Variants in LIPA observed in about 807,000 individuals in gnomAD.
LIPA encodes the protein lysosomal acid lipase/cholesteryl ester hydrolase.
Under a neutral mutation model 40.6 loss-of-function variants are expected in LIPA, and 26 were observed. The observed-to-expected ratio is 0.64, with a 90% CI of 0.47 to 0.89. The LOEUF is 0.89. Among genes scored for constraint, LIPA ranks in the 40% least tolerant of loss-of-function variants. The probability of loss-of-function intolerance (pLI) is 0.00; values close to 1 mark genes in which losing one functional copy is unlikely to be tolerated. For synonymous variants in LIPA, 188 were observed against 168.4 expected, an observed-to-expected ratio of 1.12 and a Z score of -0.90; for missense variants, 455 against 479.6, an observed-to-expected ratio of 0.95 and a Z score of 0.48.
intron 2 of LIPA, chr10:89,405,189 G>A (rs993266484): frequency 6.6e-6 from 1 of 151,780 alleles, no homozygotes; most frequent in Non-Finnish European, 1.5e-5. Context: ...AATGTGAAAG[G>A]GTTCCAAGGA....
intron 1 of LIPA, among the ~76,000 whole-genome samples, chr10:89,257,575 G>A (rs557404280): frequency 6.6e-6 from 1 of 152,308 alleles, no homozygotes; most frequent in African/African-American, 2.4e-5. Context: ...ACAACAAATA[G>A]TGCAAAAGAA....
intron 2 of LIPA, among the ~76,000 whole-genome samples, chr10:89,348,069 C>A (rs1843934331): frequency 6.6e-6 from 1 of 152,230 alleles, no homozygotes; most frequent in East Asian, 1.9e-4. Flanking sequence ...GTGAGGAAGA[C>A]ATCTGAGGTT....
chr10:89,389,759 A>G (rs1303318789), intron 2 of LIPA, among the ~76,000 whole-genome samples: 1 of 152,152 alleles, frequency 6.6e-6, no homozygotes, highest in Non-Finnish European at 1.5e-5. Flanking sequence ...AGAAGAGACT[A>G]AGGAATTCAT....
intron 2 of LIPA, among the ~76,000 whole-genome samples, chr10:89,380,685 G>A (rs1844156147): frequency 6.6e-6 from 1 of 152,018 alleles, no homozygotes; most frequent in Admixed American, 6.6e-5. Context: ...CACCTGCCTT[G>A]GACTCTCAAA....
chr10:89,401,220 G>A (rs560082527), intron 2 of LIPA, among the ~76,000 whole-genome samples: 3 of 151,640 alleles, frequency 2.0e-5, no homozygotes, highest in East Asian at 3.9e-4. Context: ...AGACTCAAGC[G>A]ATTCTCCTGC....
At chr10:89,257,712 T>G (rs1843188083) in intron 1 of LIPA, among the ~76,000 whole-genome samples, 1 of 152,106 alleles carries the variant, frequency 6.6e-6, no homozygotes, top group South Asian at 2.1e-4. Flanking sequence ...GCAGTTTATC[T>G]AAATAGAGGA....
chr10:89,327,415 G>A (rs1458239273), intron 1 of LIPA, among the ~76,000 whole-genome samples: 1 of 152,092 alleles, frequency 6.6e-6, no homozygotes, highest in Non-Finnish European at 1.5e-5. Context: ...GCCGGGCATG[G>A]TGGTGGGTGC....
rs1046053754 is a variant in LIPA at position 89,386,440 on chromosome 10, C to T, written c.61+26351G>A. Among the ~76,000 whole-genome samples, 41 of 152,126 alleles carry T rather than the reference C, an allele frequency of 2.7e-4. 1 individual carries two copies. Among genetic ancestry groups the T allele is most frequent in the African/African-American group, 9.7e-4 (40 of 41,412 alleles). On this transcript the variant is annotated intron_variant, in intron 2 of 8. Transcript: ENST00000371837. Reference sequence around the variant, plus strand: ...CAAAGAACGTACTTATTCAATTTAACCAGAGGAAACTACTATTGACTTTTC... The same window carrying T: ...CAAAGAACGTACTTATTCAATTTAATCAGAGGAAACTACTATTGACTTTTC...
At chr10:89,231,331 G>T (rs2133441387) in intron 3 of LIPA, among the ~76,000 whole-genome samples, 1 of 152,336 alleles carries the variant, frequency 6.6e-6, no homozygotes, top group East Asian at 1.9e-4. Context: ...CTGCAAGGTA[G>T]CTTCCGTAGA....
intron 2 of LIPA, among the ~76,000 whole-genome samples, chr10:89,378,595 TTTAA>T (rs1844139449): frequency 6.6e-6 from 1 of 152,170 alleles, no homozygotes; most frequent in African/African-American, 2.4e-5. Context: ...CCTCCTGCAA[TTTAA>T]TATCTGGCTG....
In LIPA at chr10:89,273,643, C is replaced by T. The variant is rs137997884; in HGVS notation, c.-1-25994G>A. 1.8e-3 allele frequency among the ~76,000 whole-genome samples: 273 copies of T among 152,270 alleles called. 1 individual carries two copies. Among genetic ancestry groups the T allele is most frequent in the Non-Finnish European group, 3.1e-3 (213 of 68,022 alleles). Reference sequence around the variant, plus strand: ...GAAAGAAGAATCACAACTGACAGGACAGTACTCATAATCTAGTCAAAGGTT... The same window carrying T: ...GAAAGAAGAATCACAACTGACAGGATAGTACTCATAATCTAGTCAAAGGTT... On this transcript the variant is annotated intron_variant, in intron 1 of 5. Transcript: ENST00000282673.
chr10:89,236,656 T>TAAAA (rs569956362), intron 3 of LIPA, among the ~76,000 whole-genome samples: 133 of 151,128 alleles, frequency 8.8e-4, no homozygotes, highest in Non-Finnish European at 1.7e-3. Context: ...AGATGACTGT[T>TAAAA]AAAAAAAAAG....
chr10:89,402,818 T>G, intron 2 of LIPA: 1 of 1,614,222 alleles, frequency 6.2e-7, no homozygotes, highest in Non-Finnish European at 8.5e-7. Flanking sequence ...GCGCTGGGTA[T>G]GCGATCTCTG....
chr10:89,382,244 C>A (rs1381202663), intron 2 of LIPA, among the ~76,000 whole-genome samples: 2 of 152,032 alleles, frequency 1.3e-5, no homozygotes, highest in Admixed American at 1.3e-4. Context: ...CATAATGGTC[C>A]TCTCTGAAAT....
intron 7 of LIPA, 47 bp downstream of exon 7, chr10:89,223,637 A>G (rs1366117525): frequency 3.4e-6 from 5 of 1,453,718 alleles, no homozygotes; most frequent in Non-Finnish European, 4.8e-6. Context: ...AAATAAGCAC[A>G]TTCACAGATA....
chr10:89,330,806 A>G (rs1345426363), intron 1 of LIPA, among the ~76,000 whole-genome samples: 3 of 152,208 alleles, frequency 2.0e-5, no homozygotes, highest in African/African-American at 7.2e-5. Flanking sequence ...AATAAAGGGG[A>G]AAACTGCTTT....
intron 1 of LIPA, among the ~76,000 whole-genome samples, chr10:89,281,991 T>A (rs755413892): frequency 6.6e-6 from 1 of 152,172 alleles, no homozygotes; most frequent in Admixed American, 6.5e-5. Context: ...TCCATGTGCA[T>A]TCACATGCAG....
chr10:89,314,190 G>T (rs1843530233), intron 1 of LIPA, among the ~76,000 whole-genome samples: 1 of 152,150 alleles, frequency 6.6e-6, no homozygotes, highest in South Asian at 2.1e-4. Context: ...TGTTAGATAA[G>T]TTATGTATTC....
chr10:89,367,920 G>A (rs1844070799), intron 2 of LIPA, among the ~76,000 whole-genome samples: 1 of 152,086 alleles, frequency 6.6e-6, no homozygotes, highest in Admixed American at 6.6e-5. Context: ...TTGGGTTCAA[G>A]CAATCGTTCC....
Sources: allele counts gnomAD v4.1 joint callset (sites outside exome capture counted in the v4.1 genomes callset), GRCh38; gene constraint gnomAD v4.1.1; transcripts MANE v1.5; gene names NCBI Gene and HGNC (gene_info 2026-07-23, HGNC 2026-07-21).